The following TRIQK variants were observed in gnomAD, a reference collection of about 807,000 sequenced individuals.
The protein encoded by TRIQK is triple QxxK/R motif-containing protein.
TRIQK carries 10 observed loss-of-function variants against 10.8 expected under a neutral mutation model. That is an observed-to-expected ratio of 0.92 (90% CI 0.57 to 1.57). The LOEUF (loss-of-function observed/expected upper bound fraction) is 1.57. Among genes scored for constraint, TRIQK ranks in the 40% most tolerant of loss-of-function variants. TRIQK has a pLI of 0.00. For synonymous variants in TRIQK, 33 were observed against 33.7 expected (o/e 0.98, Z 0.07); for missense variants, 107 against 97.7 (o/e 1.09, Z -0.40).
chr8:92,898,399 A>G (rs1292975783), intron 3 of TRIQK, among the ~76,000 whole-genome samples: 2 of 152,162 alleles, frequency 1.3e-5, no homozygotes, highest in Admixed American at 6.5e-5. Flanking sequence ...AAGTTAAAAC[A>G]CCACAAAGAT....
At chr8:92,891,949 T>A (rs916723714) in intron 4 of TRIQK, 40 bp downstream of exon 4, 1 of 1,364,826 alleles carries the variant, frequency 7.3e-7, no homozygotes, top group African/African-American at 1.5e-5. Flanking sequence ...TGAAATGGCA[T>A]GCACATATCA....
intron 1 of TRIQK, chr8:92,974,765 A>C (rs1197655826): frequency 6.6e-6 from 1 of 152,226 alleles, no homozygotes. Flanking sequence ...ACTGAAGCTG[A>C]AGAAAGCAAC....
chr8:92,914,000 A>T (rs2130438559), intron 3 of TRIQK, among the ~76,000 whole-genome samples: 1 of 152,274 alleles, frequency 6.6e-6, no homozygotes, highest in East Asian at 1.9e-4. Flanking sequence ...GGATAGCATT[A>T]GGAGAAATAC....
intron 2 of TRIQK, among the ~76,000 whole-genome samples, chr8:92,946,627 G>A (rs1811545971): frequency 6.6e-6 from 1 of 151,780 alleles, no homozygotes; most frequent in African/African-American, 2.4e-5. Context: ...ACTGCCTAAA[G>A]CAATTAATAT....
chr8:92,893,822 C>T (rs1816878067), intron 3 of TRIQK, among the ~76,000 whole-genome samples: 1 of 151,092 alleles, frequency 6.6e-6, no homozygotes, highest in Admixed American at 6.6e-5. Context: ...CCTGTATATG[C>T]CCTATAATAA....
chr8:92,940,865 T>G (rs1393520340), intron 2 of TRIQK, among the ~76,000 whole-genome samples: 1 of 152,182 alleles, frequency 6.6e-6, no homozygotes, highest in African/African-American at 2.4e-5. Flanking sequence ...CCAGGATAGA[T>G]CATATGTTAG....
At chr8:92,921,723 T>C (rs769589304) in intron 2 of TRIQK, 1 of 151,886 alleles carries the variant, frequency 6.6e-6, no homozygotes, top group Non-Finnish European at 1.5e-5. Context: ...CATTTATTTG[T>C]TACAATAGTT....
chr8:92,957,535 A>G (rs920549173), intron 1 of TRIQK, among the ~76,000 whole-genome samples: 18 of 151,932 alleles, frequency 1.2e-4, no homozygotes, highest in Admixed American at 9.2e-4. Flanking sequence ...GGCATTCCAA[A>G]CAAACGTATT....
intron 2 of TRIQK, among the ~76,000 whole-genome samples, chr8:92,919,702 T>C (rs1810070860): frequency 6.6e-6 from 1 of 151,814 alleles, no homozygotes. Context: ...TGAAATAGTT[T>C]TAGTAGAAAT....
At chr8:92,955,520 T>C (rs1812124925) in intron 1 of TRIQK, among the ~76,000 whole-genome samples, 2 of 151,644 alleles carry the variant, frequency 1.3e-5, no homozygotes, top group African/African-American at 2.4e-5. Flanking sequence ...AGTTTGAAAA[T>C]AGTCTCTTAG....
intron 3 of TRIQK, among the ~76,000 whole-genome samples, chr8:92,906,722 CAAAA>C (rs36073229): frequency 3.2e-5 from 4 of 126,538 alleles, no homozygotes; most frequent in Admixed American, 8.0e-5. Flanking sequence ...CCGTCTCTAT[CAAAA>C]AAAAAAAAAA....
rs992654508 is a variant in TRIQK at position 92,884,461 on chromosome 8, A to T, written c.*2161T>A. ...GGTTCTCTGGAGCTATCATAAATCA[A>T]TCAGTCATACGAATGGACTAGCTGT... is the stretch of plus-strand genomic sequence containing the variant. On this transcript the variant is annotated 3_prime_UTR_variant, in exon 5 of 5. Coordinates refer to ENST00000521988, the MANE Select transcript of TRIQK (RefSeq NM_001171797.2). The T allele has an allele frequency of 4.7e-6, 1 of 212,578 alleles. No homozygotes were observed. The highest frequency in any genetic ancestry group is 9.6e-6 in the Non-Finnish European group (1 of 104,682). The allele number at this position is 212,578 out of a possible 1,614,324, so 13.2% of individuals were successfully genotyped here.
At chr8:92,915,104 A>G (rs980887945) in intron 3 of TRIQK, among the ~76,000 whole-genome samples, 1 of 152,200 alleles carries the variant, frequency 6.6e-6, no homozygotes, top group African/African-American at 2.4e-5. Flanking sequence ...TAGGCCAGAC[A>G]AAGAAAGAAA....
At chr8:92,908,930 C>T (rs559792645) in intron 3 of TRIQK, among the ~76,000 whole-genome samples, 1 of 152,002 alleles carries the variant, frequency 6.6e-6, no homozygotes, top group South Asian at 2.1e-4. Flanking sequence ...CCAATCCCTC[C>T]TCCCTTCGTC....
Position 92,891,985 on chromosome 8 carries a change from TTACC to T in TRIQK, c.147_147+3del. On this transcript the variant is annotated splice_donor_variant and splice_donor_region_variant and coding_sequence_variant and intron_variant, in exon 4 of 5. Coordinates refer to ENST00000521988, the MANE Select transcript of TRIQK (RefSeq NM_001171797.2). LOFTEE classifies it high-confidence loss of function. ...AATTTTAAAGTTATCAAATAGAGGT[TTACC>T]TTTATGCCTATTGCTGTTTTCTTTG... is the stretch of plus-strand genomic sequence containing the variant. The T allele has an allele frequency of 6.5e-7, 1 of 1,529,316 alleles. No individual in the cohort carries two copies. Among genetic ancestry groups the T allele is most frequent in the East Asian group, 2.5e-5 (1 of 40,668 alleles). 94.7% of individuals were successfully genotyped at this position (1,529,316 alleles called of 1,614,324 possible). A position where few individuals can be genotyped will look rare whatever the true frequency, so the allele number is the denominator to read the frequency against.
At chr8:93,003,618 TAACTC>T (rs1813238039) in intron 1 of TRIQK, among the ~76,000 whole-genome samples, 2 of 152,114 alleles carry the variant, frequency 1.3e-5, no homozygotes, top group South Asian at 4.1e-4. Flanking sequence ...CCCAAAGTCT[TAACTC>T]ATTCCAATAT....
intron 1 of TRIQK, among the ~76,000 whole-genome samples, chr8:93,013,903 T>C (rs1813359642): frequency 6.6e-6 from 1 of 152,168 alleles, no homozygotes; most frequent in Non-Finnish European, 1.5e-5. Context: ...GGATTTATTA[T>C]AAACAGAAAT....
At chr8:92,970,448 G>C (rs1008708211), upstream of TRIQK, among the ~76,000 whole-genome samples, 4 of 152,140 alleles carry the variant, frequency 2.6e-5, no homozygotes, top group Non-Finnish European at 5.9e-5. Flanking sequence ...TTTCTCCACA[G>C]TCTCACCAGC....
At chr8:92,993,604 C>G (rs1463274370) in intron 1 of TRIQK, among the ~76,000 whole-genome samples, 1 of 152,176 alleles carries the variant, frequency 6.6e-6, no homozygotes, top group Non-Finnish European at 1.5e-5. Flanking sequence ...ATCAGGTAGG[C>G]AGAATAAAAG....
Sources: gnomAD v4.1 joint callset for allele counts (sites outside exome capture counted in the v4.1 genomes callset) on GRCh38, gnomAD v4.1.1 for gene constraint, MANE v1.5 for transcripts, NCBI Gene and HGNC (gene_info 2026-07-23, HGNC 2026-07-21) for gene names.